ALDH1L1: variants seen among roughly 807,000 people sequenced by gnomAD.
ALDH1L1 encodes cytosolic 10-formyltetrahydrofolate dehydrogenase.
Under a neutral mutation model 101.1 loss-of-function variants are expected in ALDH1L1, and 68 were observed. That is an observed-to-expected ratio of 0.67 (90% confidence interval 0.55 to 0.82). The LOEUF (loss-of-function observed/expected upper bound fraction) is 0.82. ALDH1L1 is among the 40% of genes least tolerant of loss of function. The pLI is 0.00. For missense variants in ALDH1L1, 1,087 were observed against 1,172.7 expected, an observed-to-expected ratio of 0.93 and a Z score of 1.07; for synonymous variants, 486 against 470.8, an observed-to-expected ratio of 1.03 and a Z score of -0.42.
chr3:126,111,793 C>T (rs1242489179), intron 19 of ALDH1L1, among the ~76,000 whole-genome samples: 1 of 152,226 alleles, frequency 6.6e-6, no homozygotes, highest in African/African-American at 2.4e-5. Flanking sequence ...CTGCCACTAT[C>T]CACTGGGATT....
upstream of ALDH1L1, among the ~76,000 whole-genome samples, chr3:126,185,376 G>A (rs80319818): frequency 4.2e-3 from 643 of 152,334 alleles, 6 homozygotes; most frequent in African/African-American, 0.013. Context: ...CCAGGTGCTC[G>A]CACCTCTATG....
At chr3:126,192,459 A>C (rs2081558458) in intron 1 of ALDH1L1, among the ~76,000 whole-genome samples, 1 of 152,232 alleles carries the variant, frequency 6.6e-6, no homozygotes, top group Non-Finnish European at 1.5e-5. Context: ...TATTTTAGAG[A>C]GATCAAAGAT....
upstream of ALDH1L1, among the ~76,000 whole-genome samples, chr3:126,186,252 A>G (rs2081517675): frequency 6.6e-6 from 1 of 152,258 alleles, no homozygotes; most frequent in Non-Finnish European, 1.5e-5. Context: ...CCATCACCAT[A>G]ATTGCATTGG....
intron 20 of ALDH1L1, 117 bp from the exon 21 acceptor site, chr3:126,107,363 C>T (rs757099837): frequency 9.1e-5 from 72 of 789,768 alleles, no homozygotes; most frequent in Non-Finnish European, 1.3e-4. Context: ...ACATAAGCAC[C>T]GGGTCACGGC....
chr3:126,133,830 C>T (rs937850363), intron 12 of ALDH1L1, among the ~76,000 whole-genome samples: 1 of 152,218 alleles, frequency 6.6e-6, no homozygotes, highest in Admixed American at 6.5e-5. Flanking sequence ...GATTCTCAGC[C>T]GTGGACCACA....
Position 126,191,188 on chromosome 3 carries a change from G to A in ALDH1L1, c.-24+6547C>T, listed in dbSNP as rs558799710. Among the ~76,000 whole-genome samples, 5 of 152,304 alleles carry A rather than the reference G, an allele frequency of 3.3e-5. No homozygotes were observed. In the Middle Eastern group the frequency reaches 0.01, roughly 311 times the overall value. ...TTAGATGGAGATTGGGAGGCAAAAG[G>A]ATTTCATTAGATGACAATCTACTTG... On this transcript the variant is annotated intron_variant, in intron 1 of 2. Transcript: ENST00000509952.
chr3:126,115,747 G>A (rs1406962596), intron 17 of ALDH1L1, among the ~76,000 whole-genome samples: 7 of 151,260 alleles, frequency 4.6e-5, no homozygotes, highest in Non-Finnish European at 8.9e-5. Flanking sequence ...GCTAATTTTT[G>A]TATTTTCAGT....
At chr3:126,138,796 A>G (rs2080506780) in intron 9 of ALDH1L1, among the ~76,000 whole-genome samples, 1 of 152,250 alleles carries the variant, frequency 6.6e-6, no homozygotes, top group Non-Finnish European at 1.5e-5. Flanking sequence ...ATAAAGGCCA[A>G]TGTCTAGACA....
At chr3:126,187,372 G>C (rs185390575) in intron 1 of ALDH1L1, among the ~76,000 whole-genome samples, 2 of 152,206 alleles carry the variant, frequency 1.3e-5, no homozygotes, top group East Asian at 3.9e-4. Context: ...CTAGATGGAC[G>C]GTGGGGTTTC....
chr3:126,140,551 C>G (rs548082602), intron 9 of ALDH1L1, among the ~76,000 whole-genome samples: 1 of 151,994 alleles, frequency 6.6e-6, no homozygotes, highest in East Asian at 1.9e-4. Context: ...TCTCTTTTTC[C>G]TATATGACAA....
At chr3:126,170,809 A>G (rs756931086) in intron 1 of ALDH1L1, among the ~76,000 whole-genome samples, 5 of 152,168 alleles carry the variant, frequency 3.3e-5, no homozygotes, top group Admixed American at 2.0e-4. Flanking sequence ...TTCTCTTCTA[A>G]CTACAAGCAG....
At chr3:126,137,352 C>T (rs1215130055) in intron 10 of ALDH1L1, among the ~76,000 whole-genome samples, 2 of 152,358 alleles carry the variant, frequency 1.3e-5, no homozygotes, top group Non-Finnish European at 2.9e-5. Flanking sequence ...ACTTCACCCA[C>T]TTTTGTTCCA....
intron 3 of ALDH1L1, 81 bp from the exon 4 acceptor site, chr3:126,157,589 C>T: frequency 6.7e-7 from 1 of 1,494,478 alleles, no homozygotes; most frequent in Non-Finnish European, 9.1e-7. Flanking sequence ...GTGGACCTGC[C>T]ACCCTCCAGG....
At chr3:126,103,911 G>A in intron 22 of ALDH1L1, 65 bp from the exon 23 acceptor site, 1 of 1,570,252 alleles carries the variant, frequency 6.4e-7, no homozygotes, top group South Asian at 1.1e-5. Context: ...GGGGCTGCAA[G>A]TGTCTTATTC....
chr3:126,135,846 G>C (rs2080429449), intron 11 of ALDH1L1, among the ~76,000 whole-genome samples, 184 bp from the exon 12 acceptor site: 1 of 152,190 alleles, frequency 6.6e-6, no homozygotes, highest in African/African-American at 2.4e-5. Flanking sequence ...GGGAAGACAG[G>C]GCCCTGGGAG....
chr3:126,105,670 A>G, intron 22 of ALDH1L1, 56 bp downstream of exon 22: 1 of 1,600,234 alleles, frequency 6.2e-7, no homozygotes, highest in Non-Finnish European at 8.6e-7. Context: ...GTGGTTTTGA[A>G]CAGATGTTTG....
intron 9 of ALDH1L1, among the ~76,000 whole-genome samples, chr3:126,140,758 T>C (rs1284600575): frequency 1.3e-5 from 2 of 151,956 alleles, no homozygotes; most frequent in African/African-American, 4.8e-5. Flanking sequence ...TTGTAATCCC[T>C]AAGTAACAAC....
At chr3:126,126,243 C>T (rs1008551024) in intron 14 of ALDH1L1, among the ~76,000 whole-genome samples, 6 of 152,138 alleles carry the variant, frequency 3.9e-5, no homozygotes, top group Non-Finnish European at 8.8e-5. Context: ...GGTTCTAGAG[C>T]GAGCCTCTGG....
At chr3:126,127,792 T>C (rs1233131941) in intron 14 of ALDH1L1, among the ~76,000 whole-genome samples, 1 of 152,204 alleles carries the variant, frequency 6.6e-6, no homozygotes, top group Non-Finnish European at 1.5e-5. Context: ...GCTCTCTAGC[T>C]CTGATCACTC....
Sources: gnomAD v4.1 joint callset for allele counts (sites outside exome capture counted in the v4.1 genomes callset) on GRCh38, gnomAD v4.1.1 for gene constraint, MANE v1.5 for transcripts, NCBI Gene and HGNC (gene_info 2026-07-23, HGNC 2026-07-21) for gene names.